KCNJ6: variants seen among roughly 807,000 people sequenced by gnomAD.
KCNJ6 encodes the protein G protein-activated inward rectifier potassium channel 2.
KCNJ6 carries 9 observed loss-of-function variants against 34.2 expected under a neutral mutation model. That is an observed-to-expected ratio of 0.26 (90% CI 0.16 to 0.46). KCNJ6 has a LOEUF of 0.46. Ranked by LOEUF, KCNJ6 falls within the 20% of genes least tolerant of loss-of-function variation. The pLI, the probability that KCNJ6 is intolerant of heterozygous loss-of-function variation, is 1.00. For synonymous variants in KCNJ6, 196 were observed against 207.1 expected (o/e 0.95, Z 0.46); for missense variants, 236 against 531.3 (o/e 0.44, Z 5.46).
intron 1 of KCNJ6, among the ~76,000 whole-genome samples, chr21:37,877,623 C>T (rs1192416412): frequency 6.6e-6 from 1 of 152,170 alleles, no homozygotes; most frequent in South Asian, 2.1e-4. Context: ...TTTAGACCTG[C>T]AGGCTAAGTT....
intron 3 of KCNJ6, among the ~76,000 whole-genome samples, chr21:37,636,320 T>C (rs1001418154): frequency 6.6e-6 from 1 of 152,244 alleles, no homozygotes; most frequent in Admixed American, 6.5e-5. Flanking sequence ...GCAGTCAAAC[T>C]GACACGCAAA....
At chr21:37,821,747 G>T (rs1041411229) in intron 2 of KCNJ6, among the ~76,000 whole-genome samples, 2 of 152,110 alleles carry the variant, frequency 1.3e-5, no homozygotes, top group East Asian at 3.8e-4. Flanking sequence ...GAAGACTTTA[G>T]TCTACTGGGT....
intron 2 of KCNJ6, among the ~76,000 whole-genome samples, chr21:37,769,224 T>C (rs753883957): frequency 1.3e-5 from 2 of 152,106 alleles, no homozygotes; most frequent in South Asian, 2.1e-4. Context: ...AGATGAAAAC[T>C]GAACTCTCTT....
chr21:37,751,475 A>G (rs1039025836), intron 2 of KCNJ6, among the ~76,000 whole-genome samples: 22 of 152,346 alleles, frequency 1.4e-4, no homozygotes, highest in African/African-American at 5.3e-4. Context: ...TTTCACACTC[A>G]TACGTAAGAG....
intron 3 of KCNJ6, among the ~76,000 whole-genome samples, chr21:37,647,470 A>G (rs781250257): frequency 6.6e-6 from 1 of 152,182 alleles, no homozygotes; most frequent in African/African-American, 2.4e-5. Flanking sequence ...CCCAATTGCC[A>G]GAGACCAGTA....
intron 1 of KCNJ6, among the ~76,000 whole-genome samples, chr21:37,849,768 G>C (rs1000240155): frequency 5.9e-5 from 9 of 152,098 alleles, no homozygotes; most frequent in African/African-American, 2.2e-4. Context: ...CATCCCCTCT[G>C]CACCTTAGCA....
chr21:37,890,523 T>A (rs2055757149), intron 1 of KCNJ6, among the ~76,000 whole-genome samples: 1 of 152,208 alleles, frequency 6.6e-6, no homozygotes, highest in Admixed American at 6.5e-5. Context: ...TCTGCTTTCG[T>A]GGCCTCCTGT....
In KCNJ6 at chr21:37,618,008, C is replaced by A. The variant is rs998737455; in HGVS notation, c.*7151G>T. The A allele has an allele frequency of 6.6e-6, 1 of 152,322 alleles. No homozygotes were observed. Among genetic ancestry groups the A allele is most frequent in the Non-Finnish European group, 1.5e-5 (1 of 68,114 alleles). 9.4% of individuals were successfully genotyped at this position (152,322 alleles called of 1,614,324 possible). ...AAGAGCCAGACCCTGCAGGGAGAAG[C>A]TCCCCTAGAGAGACCTCAGTGGGTG... On this transcript the variant is annotated 3_prime_UTR_variant, in exon 4 of 4. Transcript: ENST00000609713.
At chr21:37,890,101 G>A (rs2123633440) in intron 1 of KCNJ6, among the ~76,000 whole-genome samples, 1 of 152,220 alleles carries the variant, frequency 6.6e-6, no homozygotes, top group South Asian at 2.1e-4. Flanking sequence ...ACCCGAAACT[G>A]GGTAATTTAT....
At chr21:37,911,314 A>T (rs1408159214) in intron 1 of KCNJ6, among the ~76,000 whole-genome samples, 1 of 124,730 alleles carries the variant, frequency 8.0e-6, no homozygotes, top group Non-Finnish European at 1.5e-5. Flanking sequence ...ATTAAAAAGA[A>T]AACTAACTCA....
rs1458243807 is a variant in KCNJ6, at chr21:37,625,020, A to G, written c.*139T>C. ...GGGCAGGTAGATATTTTACACCTTG[A>G]AGATTTGTTTTCTGGTCATGTAAAA... On this transcript the variant is annotated 3_prime_UTR_variant, in exon 4 of 4. Transcript: ENST00000609713. The G allele has an allele frequency of 3.0e-6, 2 of 675,338 alleles. No individual in the cohort carries two copies. Among genetic ancestry groups the G allele is most frequent in the African/African-American group, 1.8e-5 (1 of 55,480 alleles). The allele number at this position is 675,338 out of a possible 1,614,324, so 41.8% of individuals were successfully genotyped here. A position where few individuals can be genotyped will look rare whatever the true frequency, so the allele number is the denominator to read the frequency against.
At chr21:37,642,879 C>T (rs1163359288) in intron 3 of KCNJ6, among the ~76,000 whole-genome samples, 1 of 152,152 alleles carries the variant, frequency 6.6e-6, no homozygotes, top group Non-Finnish European at 1.5e-5. Context: ...AAGATAAAAG[C>T]AGGATCTGTG....
chr21:37,811,842 GA>G, intron 2 of KCNJ6, among the ~76,000 whole-genome samples: 1 of 152,142 alleles, frequency 6.6e-6, no homozygotes. Context: ...TGGCAATGCA[GA>G]CCTAGGGAAT....
At chr21:37,794,800 T>C (rs1173081102) in intron 2 of KCNJ6, among the ~76,000 whole-genome samples, 1 of 151,682 alleles carries the variant, frequency 6.6e-6, no homozygotes, top group Non-Finnish European at 1.5e-5. Context: ...ACCTAGATGA[T>C]GGGTTGACAG....
chr21:37,803,312 C>G (rs192753635), intron 2 of KCNJ6, among the ~76,000 whole-genome samples: 97 of 152,124 alleles, frequency 6.4e-4, no homozygotes, highest in African/African-American at 2.3e-3. Context: ...ACAGTGCTGG[C>G]CAAGAATCTA....
At chr21:37,837,886 ATGAGTTTAATTTAAATGAAATGTTT>A (rs2055459956) in intron 2 of KCNJ6, among the ~76,000 whole-genome samples, 1 of 152,206 alleles carries the variant, frequency 6.6e-6, no homozygotes, top group East Asian at 1.9e-4. Flanking sequence ...TTAATTAGTC[ATGAGTTTAATTTAAATGAAATGTTT>A]GGTATGTTGA....
chr21:37,812,507 A>G (rs184352033), intron 2 of KCNJ6, among the ~76,000 whole-genome samples: 12 of 152,232 alleles, frequency 7.9e-5, no homozygotes, highest in African/African-American at 1.2e-4. Context: ...TATTGATGCA[A>G]AAATCCTCAA....
intron 1 of KCNJ6, among the ~76,000 whole-genome samples, chr21:37,855,679 C>A (rs2055561362): frequency 1.3e-5 from 2 of 152,154 alleles, no homozygotes; most frequent in African/African-American, 2.4e-5. Flanking sequence ...CCCCCGGGGA[C>A]CAGTCATTGC....
intron 2 of KCNJ6, among the ~76,000 whole-genome samples, chr21:37,720,718 T>G (rs1210708514): frequency 9.2e-6 from 1 of 109,200 alleles, no homozygotes; most frequent in Non-Finnish European, 1.9e-5. Flanking sequence ...TTTTTTTTTT[T>G]GAGACGGAGT....
Sources: gnomAD v4.1 joint callset for allele counts (sites outside exome capture counted in the v4.1 genomes callset) on GRCh38, gnomAD v4.1.1 for gene constraint, MANE v1.5 for transcripts, NCBI Gene and HGNC (gene_info 2026-07-23, HGNC 2026-07-21) for gene names.